The following ZNF385D variants were observed in gnomAD, a reference collection of about 807,000 sequenced individuals.
ZNF385D encodes zinc finger protein 659.
A neutral mutation model predicts 35.8 loss-of-function variants in ZNF385D; 15 were observed. That is an observed-to-expected ratio of 0.42 (90% CI 0.28 to 0.64). The LOEUF (loss-of-function observed/expected upper bound fraction) is 0.64, where lower values mean the gene tolerates loss of function less well. ZNF385D is among the 30% of genes least tolerant of loss of function. The pLI, the probability that ZNF385D is intolerant of heterozygous loss-of-function variation, is 0.23. For missense variants in ZNF385D, 474 were observed against 494.6 expected (o/e 0.96, Z 0.39); for synonymous variants, 212 against 186.8 (o/e 1.13, Z -1.10).
At chr3:21,447,530 A>G (rs1295053286) in intron 4 of ZNF385D, among the ~76,000 whole-genome samples, 1 of 152,186 alleles carries the variant, frequency 6.6e-6, no homozygotes, top group Non-Finnish European at 1.5e-5. Flanking sequence ...TTTTTCAGTG[A>G]TTGCCTTTGG....
At chr3:22,309,342 G>A (rs558732526) in intron 2 of ZNF385D, among the ~76,000 whole-genome samples, 32 of 151,940 alleles carry the variant, frequency 2.1e-4, no homozygotes, top group African/African-American at 3.6e-4. Context: ...GTGGAAATCC[G>A]TCCTATAATA....
At position 22,204,876 on chromosome 3, in the gene ZNF385D, A is replaced by C. The variant is rs948397496; in HGVS notation, c.107-35841T>G. Among the ~76,000 whole-genome samples, 4 of 151,816 alleles carry C rather than the reference A, an allele frequency of 2.6e-5. No homozygotes were observed. The East Asian group carries it at 7.8e-4, about 30-fold the overall frequency. On this transcript the variant is annotated intron_variant, in intron 2 of 5. Coordinates refer to the ZNF385D transcript ENST00000494108. ...CTACAAGATCTAGAAAATAGCCTCAAAAGGGCAAATCTAAGAGACACTGGC... is the reference window on the plus strand; with the variant it reads ...CTACAAGATCTAGAAAATAGCCTCACAAGGGCAAATCTAAGAGACACTGGC...
chr3:21,890,265 T>G (rs1698781023), intron 3 of ZNF385D, among the ~76,000 whole-genome samples: 2 of 152,102 alleles, frequency 1.3e-5, no homozygotes, highest in African/African-American at 4.8e-5. Context: ...AGAAAAAAAG[T>G]TTTCCTTAAG....
intron 3 of ZNF385D, chr3:21,978,160 CTT>C (rs1365956266): frequency 6.6e-6 from 1 of 152,106 alleles, no homozygotes; most frequent in African/African-American, 2.4e-5. Context: ...GGTAGGATGT[CTT>C]TGAAACCTTT....
intron 1 of ZNF385D, among the ~76,000 whole-genome samples, chr3:21,711,354 T>A (rs1175724192): frequency 2.0e-5 from 3 of 152,144 alleles, no homozygotes; most frequent in Non-Finnish European, 2.9e-5. Context: ...AAAAGTTTCA[T>A]ATAAATTAAA....
At chr3:21,688,156 A>C (rs1222490684) in intron 1 of ZNF385D, among the ~76,000 whole-genome samples, 3 of 152,134 alleles carry the variant, frequency 2.0e-5, no homozygotes, top group Non-Finnish European at 2.9e-5. Flanking sequence ...TTTTTTAAAA[A>C]AACTATGTAT....
At chr3:21,951,565 C>T (rs985843180) in intron 3 of ZNF385D, among the ~76,000 whole-genome samples, 6 of 151,442 alleles carry the variant, frequency 4.0e-5, no homozygotes, top group East Asian at 3.9e-4. Flanking sequence ...CTGATTGCCC[C>T]GGCCAGAACT....
chr3:21,893,484 T>C (rs1698986239), intron 3 of ZNF385D, among the ~76,000 whole-genome samples: 1 of 152,146 alleles, frequency 6.6e-6, no homozygotes. Flanking sequence ...TGAGTCATGA[T>C]CTCCATAAAT....
At chr3:22,045,414 C>A (rs959129595) in intron 3 of ZNF385D, among the ~76,000 whole-genome samples, 1 of 152,118 alleles carries the variant, frequency 6.6e-6, no homozygotes, top group Non-Finnish European at 1.5e-5. Context: ...ATATCCAGAA[C>A]TGAAGAAGAG....
At chr3:22,060,074 C>A (rs1482987156) in intron 3 of ZNF385D, among the ~76,000 whole-genome samples, 1 of 152,202 alleles carries the variant, frequency 6.6e-6, no homozygotes, top group Non-Finnish European at 1.5e-5. Context: ...AGGATTTATA[C>A]AGCCTTCCTT....
intron 2 of ZNF385D, among the ~76,000 whole-genome samples, chr3:22,301,824 T>C (rs543180977): frequency 5.3e-5 from 8 of 152,224 alleles, no homozygotes; most frequent in East Asian, 1.9e-4. Context: ...TATATAACTA[T>C]TGTCCTGTTG....
At chr3:21,745,410 G>A (rs907722801) in intron 1 of ZNF385D, among the ~76,000 whole-genome samples, 1 of 152,156 alleles carries the variant, frequency 6.6e-6, no homozygotes, top group African/African-American at 2.4e-5. Flanking sequence ...CGTTTCAAGG[G>A]CTGTGTAAGC....
intron 3 of ZNF385D, among the ~76,000 whole-genome samples, chr3:22,066,730 T>C (rs1043781553): frequency 6.6e-6 from 1 of 152,124 alleles, no homozygotes; most frequent in African/African-American, 2.4e-5. Context: ...ATAAGTGATG[T>C]GCACTTAGAT....
chr3:22,325,687 G>C (rs1277842501), intron 2 of ZNF385D, among the ~76,000 whole-genome samples: 2 of 152,008 alleles, frequency 1.3e-5, no homozygotes, highest in East Asian at 3.9e-4. Context: ...TGAACCCAGG[G>C]GCGGATGCCA....
chr3:22,160,213 G>C (rs555018007), intron 3 of ZNF385D, among the ~76,000 whole-genome samples: 1 of 152,026 alleles, frequency 6.6e-6, no homozygotes, highest in African/African-American at 2.4e-5. Context: ...CTGTATAGCA[G>C]TATGAAAATG....
At chr3:22,078,708 A>G (rs1458936756) in intron 3 of ZNF385D, among the ~76,000 whole-genome samples, 1 of 152,112 alleles carries the variant, frequency 6.6e-6, no homozygotes, top group African/African-American at 2.4e-5. Flanking sequence ...CATGGCTATC[A>G]GGAATCTGTA....
At chr3:22,284,532 C>T (rs1354125275) in intron 2 of ZNF385D, among the ~76,000 whole-genome samples, 6 of 151,856 alleles carry the variant, frequency 4.0e-5, no homozygotes, top group African/African-American at 9.7e-5. Flanking sequence ...TTTTATACAT[C>T]GTGCATCAAT....
At position 22,166,972 on chromosome 3, in the gene ZNF385D, T is replaced by C. The variant is rs115908202; in HGVS notation, c.325+1845A>G. Among the ~76,000 whole-genome samples, 204 of 152,350 alleles carry C rather than the reference T, an allele frequency of 1.3e-3. 1 individual carries two copies. The highest frequency in any genetic ancestry group is 4.6e-3 in the African/African-American group (193 of 41,586). On this transcript the variant is annotated intron_variant, in intron 3 of 5. Coordinates refer to the ZNF385D transcript ENST00000494108. ...AGAAGTTAACAATAAGGAGTAGATT[T>C]TTCTTAAGAAGTCTAAGTAGAGACT... is the stretch of plus-strand genomic sequence containing the variant.
At chr3:21,803,291 C>T (rs1434531593) in intron 3 of ZNF385D, among the ~76,000 whole-genome samples, 1 of 152,126 alleles carries the variant, frequency 6.6e-6, no homozygotes, top group Non-Finnish European at 1.5e-5. Flanking sequence ...GAGAAGACAG[C>T]ATTTGGGTGG....
Sources: gnomAD v4.1 joint callset for allele counts (sites outside exome capture counted in the v4.1 genomes callset) on GRCh38, gnomAD v4.1.1 for gene constraint, MANE v1.5 for transcripts, NCBI Gene and HGNC (gene_info 2026-07-23, HGNC 2026-07-21) for gene names.